CRYBG2: variants seen among roughly 807,000 people sequenced by gnomAD.
CRYBG2 encodes beta/gamma crystallin domain-containing protein 2.
A neutral mutation model predicts 153.4 loss-of-function variants in CRYBG2; 106 were observed. That is an observed-to-expected ratio of 0.69 (90% CI 0.59 to 0.81). CRYBG2 has a LOEUF of 0.81. Ranked by LOEUF, CRYBG2 falls within the 30% of genes least tolerant of loss-of-function variation. The pLI, the probability that CRYBG2 is intolerant of heterozygous loss-of-function variation, is 0.00. For missense variants in CRYBG2, 1,996 were observed against 2,112.0 expected (o/e 0.95, Z 1.08); for synonymous variants, 851 against 877.8 (o/e 0.97, Z 0.54).
rs374809761 is a variant in CRYBG2, at chr1:26,336,404, G to A, written c.4039-34C>T. ...AGGGACCGAATCGAGAATTAGGGAG[G>A]GTGCCGGCCCCTAGCCTTGTCTTCT... On this transcript the variant is annotated intron_variant, in intron 12 of 19. Coordinates refer to ENST00000308182, the MANE Select transcript of CRYBG2 (RefSeq NM_001039775.4). This position sits in a 1 kb window ranked among gnomAD's most constrained non-coding sequence, Gnocchi z 4.9. 5 of 1,611,112 alleles carry A rather than the reference G, an allele frequency of 3.1e-6. No individual in the cohort carries two copies. The highest frequency in any genetic ancestry group is 1.1e-5 in the South Asian group (1 of 90,394).
At chr1:26,337,133 C>T in intron 10 of CRYBG2, 120 bp downstream of exon 10, 1 of 1,557,792 alleles carries the variant, frequency 6.4e-7, no homozygotes, top group Non-Finnish European at 8.7e-7. Context: ...GGCTAGACCT[C>T]TGGGAACACT....
Position 26,337,691 on chromosome 1 carries a change from G to A in CRYBG2, c.3508-17C>T. 1 of 1,607,914 alleles carries A rather than the reference G, an allele frequency of 6.2e-7. No individual in the cohort carries two copies. The highest frequency in any genetic ancestry group is 8.5e-7 in the Non-Finnish European group (1 of 1,179,580). On this transcript the variant is annotated splice_polypyrimidine_tract_variant and intron_variant, in intron 8 of 19. Transcript: ENST00000308182. ...CACCACAGCCTGGGGGAAAGGGGCT[G>A]TCAGGAGTCATCTGGACCCAAACAC...
Position 26,321,904 on chromosome 1 carries a change from A to G in CRYBG2, c.*64T>C. ...TTAGAAAATAGCTTATGTTACAACA[A>G]AAACCCTATAAAAACATTCATCCCA... On this transcript the variant is annotated 3_prime_UTR_variant, in exon 20 of 20. Coordinates refer to ENST00000308182, the MANE Select transcript of CRYBG2 (RefSeq NM_001039775.4). 1 of 1,370,866 alleles carries G rather than the reference A, an allele frequency of 7.3e-7. No homozygotes were observed. Among genetic ancestry groups the G allele is most frequent in the Non-Finnish European group, 9.8e-7 (1 of 1,021,130 alleles). 84.9% of individuals were successfully genotyped at this position (1,370,866 alleles called of 1,614,324 possible). A position where few individuals can be genotyped will look rare whatever the true frequency, so the allele number is the denominator to read the frequency against.
intron 5 of CRYBG2, among the ~76,000 whole-genome samples, chr1:26,340,592 C>T (rs536758377): frequency 6.6e-6 from 1 of 152,122 alleles, no homozygotes; most frequent in East Asian, 1.9e-4. Context: ...TCTGGAGAGG[C>T]TTTGTTTTTT....
chr1:26,351,244 T>C (rs978114817), intron 1 of CRYBG2, among the ~76,000 whole-genome samples: 2 of 152,150 alleles, frequency 1.3e-5, no homozygotes. Flanking sequence ...ATGCAACCCC[T>C]GCCCTCCTCG....
intron 8 of CRYBG2, 132 bp from the exon 9 acceptor site, chr1:26,337,806 T>A: frequency 7.4e-7 from 1 of 1,358,206 alleles, no homozygotes; most frequent in South Asian, 1.4e-5. Flanking sequence ...TCCATCCCCT[T>A]ACCCAATTCC....
At chr1:26,337,452 C>T (rs910903001) in intron 9 of CRYBG2, 73 bp from the exon 10 acceptor site, 7 of 1,599,428 alleles carry the variant, frequency 4.4e-6, no homozygotes, top group Non-Finnish European at 6.0e-6. Flanking sequence ...CAGCTGTCCC[C>T]ACCCCTACGC....
At chr1:26,342,467 CA>C (rs2074142345) in intron 5 of CRYBG2, among the ~76,000 whole-genome samples, 2 of 152,110 alleles carry the variant, frequency 1.3e-5, no homozygotes, top group African/African-American at 4.8e-5. Flanking sequence ...TGGTGCAATC[CA>C]GGCTTACTGC....
chr1:26,353,636 T>A (rs2074308436), intron 1 of CRYBG2, among the ~76,000 whole-genome samples: 1 of 152,100 alleles, frequency 6.6e-6, no homozygotes, highest in Non-Finnish European at 1.5e-5. Flanking sequence ...TACCAAATCC[T>A]CTCAACAACT....
In CRYBG2 at chr1:26,342,664, G is replaced by C. The variant is rs2074144661; in HGVS notation, c.3204+90C>G. On this transcript the variant is annotated intron_variant, in intron 5 of 19. Coordinates refer to ENST00000308182, the MANE Select transcript of CRYBG2 (RefSeq NM_001039775.4). ...TCCACCTGCCTTGGCTTCCCAAAGTGCTGGCATTACAGGCGTGAGTCACTG... is the reference window on the plus strand; with the variant it reads ...TCCACCTGCCTTGGCTTCCCAAAGTCCTGGCATTACAGGCGTGAGTCACTG... 7 of 1,540,440 alleles carry C rather than the reference G, an allele frequency of 4.5e-6. No homozygotes were observed. In the East Asian group the frequency reaches 1.4e-4, roughly 30 times the overall value.
At chr1:26,351,665 TC>T (rs1180542090) in intron 1 of CRYBG2, among the ~76,000 whole-genome samples, 1 of 152,120 alleles carries the variant, frequency 6.6e-6, no homozygotes, top group Non-Finnish European at 1.5e-5. Context: ...TTAACGTCTT[TC>T]TCAACCAGCC....
At chr1:26,351,281 A>G (rs1457203523) in intron 1 of CRYBG2, among the ~76,000 whole-genome samples, 2 of 152,068 alleles carry the variant, frequency 1.3e-5, no homozygotes, top group Non-Finnish European at 2.9e-5. Context: ...ATGAAGTTTG[A>G]CGCCCTCGCT....
At chr1:26,328,694 A>C (rs1570171043) in intron 16 of CRYBG2, 40 bp downstream of exon 16, 1 of 1,589,920 alleles carries the variant, frequency 6.3e-7, no homozygotes, top group East Asian at 2.3e-5. Context: ...ACTCATCCCC[A>C]CCAGCAGCCA....
chr1:26,337,964 C>CT, intron 8 of CRYBG2, 48 bp downstream of exon 8: 1 of 1,600,298 alleles, frequency 6.2e-7, no homozygotes, highest in Non-Finnish European at 8.5e-7. Context: ...CAAACACCTG[C>CT]ACCCCGCCAC....
chr1:26,332,081 G>A (rs1345794683), intron 14 of CRYBG2, among the ~76,000 whole-genome samples: 1 of 152,164 alleles, frequency 6.6e-6, no homozygotes, highest in Non-Finnish European at 1.5e-5. Flanking sequence ...GCTGAGGCGG[G>A]CAGATCACGA....
At position 26,328,233 on chromosome 1, in the gene CRYBG2, C is replaced by T. The variant is rs757830209; in HGVS notation, c.4554G>A (p.Val1518=). ...CCTGCTTGATGGGGTAGAGGGAGCC[C>T]ACCCTCTGGGTGCCGCTGTAGGTCA... ...NWLTYSGTQR[V]GSLYPIKQRR... The change falls in exon 17 of 20, where the codon GTG becomes GTA. Residue 1518 remains valine (V), a synonymous_variant. Coordinates refer to ENST00000308182, the MANE Select transcript of CRYBG2 (RefSeq NM_001039775.4). 6.4e-7 allele frequency: 1 copy of T among 1,565,350 alleles called. No homozygotes were observed. The highest frequency in any genetic ancestry group is 8.7e-7 in the Non-Finnish European group (1 of 1,154,924).
At chr1:26,347,582 T>C (rs1272959492) in intron 1 of CRYBG2, among the ~76,000 whole-genome samples, 2 of 151,662 alleles carry the variant, frequency 1.3e-5, no homozygotes, top group Non-Finnish European at 2.9e-5. Flanking sequence ...TCCACATCCC[T>C]GGTTCACGCC....
At chr1:26,326,172 G>A (rs1398587381) in intron 17 of CRYBG2, among the ~76,000 whole-genome samples, 1 of 152,040 alleles carries the variant, frequency 6.6e-6, no homozygotes, top group Admixed American at 6.6e-5. Flanking sequence ...AATTACAGGA[G>A]TGAGCCACCG....
Position 26,334,385 on chromosome 1 carries a change from C to G in CRYBG2, c.4184+1710G>C, listed in dbSNP as rs2074030547. Among the ~76,000 whole-genome samples, 2 of 152,092 alleles carry G rather than the reference C, an allele frequency of 1.3e-5. 1 individual carries two copies. Among genetic ancestry groups the G allele is most frequent in the South Asian group, 4.1e-4 (2 of 4,826 alleles). ...GCTGCACTGAGCTGTGTTCACACCA[C>G]TGCACTCCAGCCTGAATAAGAAAGT... is the stretch of plus-strand genomic sequence containing the variant. On this transcript the variant is annotated intron_variant, in intron 14 of 19. Coordinates refer to ENST00000308182, the MANE Select transcript of CRYBG2 (RefSeq NM_001039775.4).
Sources: gnomAD v4.1 joint callset for allele counts (sites outside exome capture counted in the v4.1 genomes callset) on GRCh38, gnomAD v4.1.1 for gene constraint, Gnocchi (gnomAD v3.1) non-coding constraint, MANE v1.5 for transcripts, NCBI Gene and HGNC (gene_info 2026-07-23, HGNC 2026-07-21) for gene names.